The following LIMK2 variants were observed in gnomAD, a reference collection of about 807,000 sequenced individuals.
LIMK2 encodes LIM domain kinase 2.
LIMK2 carries 35 observed loss-of-function variants against 75.7 expected under a neutral mutation model. The observed-to-expected ratio is 0.46, with a 90% CI of 0.35 to 0.61. LIMK2 has a LOEUF of 0.61. LIMK2 is among the 20% of genes least tolerant of loss of function. The probability of loss-of-function intolerance (pLI) is 0.00; values close to 1 mark genes in which losing one functional copy is unlikely to be tolerated. For missense variants in LIMK2, 623 were observed against 831.0 expected, an observed-to-expected ratio of 0.75 and a Z score of 3.08; for synonymous variants, 301 against 319.2, an observed-to-expected ratio of 0.94 and a Z score of 0.61.
chr22:31,267,673 G>GATA lies in LIMK2; in HGVS notation c.1129-102_1129-100dup, dbSNP rs1386674919. The GATA allele has an allele frequency of 7.1e-5, 89 of 1,257,134 alleles. No individual in the cohort carries two copies. The Middle Eastern group carries it at 2.2e-3, about 31-fold the overall frequency. The allele number at this position is 1,257,134 out of a possible 1,614,324, so 77.9% of individuals were successfully genotyped here. A position where few individuals can be genotyped will look rare whatever the true frequency, so the allele number is the denominator to read the frequency against. ...TCATATCACAAGATAGGAGGTAGGA[G>GATA]ATACAGGTGGTAACACTTGTCAAGC... On this transcript the variant is annotated intron_variant, in intron 9 of 15. Transcript: ENST00000331728.
At chr22:31,234,590 G>A (rs911621480) in intron 2 of LIMK2, among the ~76,000 whole-genome samples, 2 of 151,340 alleles carry the variant, frequency 1.3e-5, no homozygotes, top group African/African-American at 2.4e-5. Context: ...TCGTGGTGGC[G>A]TGTGCCTGTA....
chr22:31,246,179 G>GCGCACACACACACACACA (rs1555886265), intron 2 of LIMK2, among the ~76,000 whole-genome samples: 55 of 69,816 alleles, frequency 7.9e-4, no homozygotes, highest in Non-Finnish European at 1.5e-3. Flanking sequence ...ACACACGCAC[G>GCGCACACACACACACACA]CACGCACACA....
chr22:31,254,377 T>C (rs1156275210), intron 2 of LIMK2, among the ~76,000 whole-genome samples: 1 of 152,254 alleles, frequency 6.6e-6, no homozygotes, highest in Non-Finnish European at 1.5e-5. Context: ...CCAGGAGCCA[T>C]GGAACCCTTG....
At chr22:31,222,419 T>C (rs1308482726) in intron 1 of LIMK2, among the ~76,000 whole-genome samples, 1 of 139,934 alleles carries the variant, frequency 7.1e-6, no homozygotes, top group South Asian at 2.5e-4. Flanking sequence ...TCTCGCTCTG[T>C]TGCCCAGGCG....
rs563642619 is a variant in LIMK2 at position 31,254,818 on chromosome 22, G to A, written c.117-3473G>A. ...TACTAAAAATAGAAAAATTAGCCGGGTGTGGTGGCATGCGCCAGTAATCCC... is the reference window on the plus strand; with the variant it reads ...TACTAAAAATAGAAAAATTAGCCGGATGTGGTGGCATGCGCCAGTAATCCC... On this transcript the variant is annotated intron_variant, in intron 2 of 15. Coordinates refer to ENST00000331728, the MANE Select transcript of LIMK2 (RefSeq NM_005569.4). Among the ~76,000 whole-genome samples the A allele has an allele frequency of 1.8e-3, 279 of 152,266 alleles. 3 individuals carry two copies. Among genetic ancestry groups the A allele is most frequent in the Non-Finnish European group, 3.2e-3 (216 of 68,028 alleles).
At chr22:31,222,372 C>CTTTTT (rs3068235) in intron 1 of LIMK2, among the ~76,000 whole-genome samples, 8 of 55,198 alleles carry the variant, frequency 1.4e-4, no homozygotes, top group Admixed American at 2.8e-4. Context: ...TGCCCAGCCT[C>CTTTTT]TTTTTTTTTT....
intron 2 of LIMK2, among the ~76,000 whole-genome samples, chr22:31,239,517 C>T (rs145914077): frequency 5.9e-5 from 9 of 152,358 alleles, no homozygotes; most frequent in Admixed American, 2.6e-4. Context: ...TACTGCCTGG[C>T]AATCAGCCTA....
At chr22:31,239,631 T>C (rs2048607630) in intron 2 of LIMK2, among the ~76,000 whole-genome samples, 1 of 152,230 alleles carries the variant, frequency 6.6e-6, no homozygotes, top group Admixed American at 6.5e-5. Flanking sequence ...TTTGTTATTC[T>C]CTTCGTTATT....
In LIMK2 at chr22:31,246,183, G is replaced by GCGCACACACACACACACA. The variant is rs746599250; in HGVS notation, c.117-12107_117-12106insGCACACACACACACACAC. Among the ~76,000 whole-genome samples the GCGCACACACACACACACA allele has an allele frequency of 2.9e-3, 386 of 135,098 alleles. 3 individuals are homozygous for GCGCACACACACACACACA. Among genetic ancestry groups the GCGCACACACACACACACA allele is most frequent in the Non-Finnish European group, 3.6e-3 (227 of 62,566 alleles). 88.6% of individuals were successfully genotyped at this position (135,098 alleles called of 152,430 possible). On this transcript the variant is annotated intron_variant, in intron 2 of 15. Transcript: ENST00000331728. ...GCGAGACTCCGACACACGCACGCAC[G>GCGCACACACACACACACA]CACACACACACACACACACACACAC...
chr22:31,225,876 A>G, intron 2 of LIMK2, 57 bp downstream of exon 2: 1 of 1,226,268 alleles, frequency 8.2e-7, no homozygotes, highest in South Asian at 1.2e-5. Flanking sequence ...GCACTATTTC[A>G]TGTTCTGATG....
chr22:31,238,062 C>T (rs1350103589), intron 2 of LIMK2, among the ~76,000 whole-genome samples: 2 of 149,842 alleles, frequency 1.3e-5, no homozygotes, highest in Non-Finnish European at 3.0e-5. Context: ...TTGTAGTGAG[C>T]CGAGTTTGTG....
At chr22:31,269,062 G>GTTTGT (rs1569001227) in intron 11 of LIMK2, among the ~76,000 whole-genome samples, 1 of 140,198 alleles carries the variant, frequency 7.1e-6, no homozygotes, top group African/African-American at 2.5e-5. Context: ...TTGTTTTTTT[G>GTTTGT]TTTTTTTTTC....
chr22:31,248,387 A>G (rs117876513), intron 2 of LIMK2: 2 of 1,337,394 alleles, frequency 1.5e-6, no homozygotes, highest in East Asian at 4.1e-5. Context: ...TTTCTTAGCT[A>G]GTCACCGGCC....
At chr22:31,269,243 T>TACAG (rs919966968) in intron 11 of LIMK2, among the ~76,000 whole-genome samples, 14 of 151,174 alleles carry the variant, frequency 9.3e-5, no homozygotes, top group Admixed American at 5.3e-4. Context: ...GTAGCTGGAC[T>TACAG]ACAGGTGTGT....
At chr22:31,213,705 G>A (rs1293380564) in intron 1 of LIMK2, among the ~76,000 whole-genome samples, 1 of 152,078 alleles carries the variant, frequency 6.6e-6, no homozygotes, top group Non-Finnish European at 1.5e-5. Flanking sequence ...AGGAGTTTGA[G>A]ACCAGCTTGG....
intron 15 of LIMK2, chr22:31,276,698 C>T: frequency 3.3e-6 from 4 of 1,220,794 alleles, no homozygotes; most frequent in Non-Finnish European, 4.1e-6. Flanking sequence ...CCGTGGCGGA[C>T]AGCGGCACCG....
intron 11 of LIMK2, among the ~76,000 whole-genome samples, 190 bp from the exon 12 acceptor site, chr22:31,270,945 AG>A (rs2048950293): frequency 6.6e-6 from 1 of 152,180 alleles, no homozygotes; most frequent in South Asian, 2.1e-4. Flanking sequence ...AGGGAAGCAG[AG>A]GAAGTCCAGG....
Position 31,260,076 on chromosome 22 carries a change from GAGTA to G in LIMK2, c.551+4_551+7del, listed in dbSNP as rs775874366. On this transcript the variant is annotated splice_donor_variant and splice_donor_region_variant and coding_sequence_variant and intron_variant, in exon 5 of 16. Transcript: ENST00000331728. LOFTEE classifies it high-confidence loss of function. ...CTACGCCACCACTGTGCAAGTGAAA[GAGTA>G]AGTATTTTGAGAACCCTTCAGCAGG... 1.3e-6 allele frequency: 2 copies of G among 1,567,558 alleles called. No homozygotes were observed. The highest frequency in any genetic ancestry group is 1.2e-5 in the South Asian group (1 of 85,566).
chr22:31,229,711 A>G (rs2048510012), intron 2 of LIMK2, among the ~76,000 whole-genome samples: 1 of 152,098 alleles, frequency 6.6e-6, no homozygotes. Context: ...GAATGGAGAA[A>G]TTGCTGGGGT....
Sources: gnomAD v4.1 joint callset for allele counts (sites outside exome capture counted in the v4.1 genomes callset) on GRCh38, gnomAD v4.1.1 for gene constraint, MANE v1.5 for transcripts, NCBI Gene and HGNC (gene_info 2026-07-23, HGNC 2026-07-21) for gene names.